OR2T11: variants seen among roughly 807,000 people sequenced by gnomAD.
The protein encoded by OR2T11 is olfactory receptor 2T11.
In OR2T11, 14 loss-of-function variants were observed where a neutral mutation model predicts 13.5. The observed-to-expected ratio is 1.04, with a 90% CI of 0.69 to 1.62. The LOEUF is 1.62. OR2T11 is among the 40% of genes most tolerant of loss of function. The pLI is 0.00. For synonymous variants in OR2T11, 163 were observed against 154.6 expected (o/e 1.05, Z -0.40); for missense variants, 410 against 389.7 (o/e 1.05, Z -0.44).
chr1:248,633,313 T>C (rs1243094327), intron 1 of OR2T11, among the ~76,000 whole-genome samples: 3 of 142,336 alleles, frequency 2.1e-5, no homozygotes, highest in Admixed American at 6.8e-5. Flanking sequence ...CATTGTATTC[T>C]TAAGTGAAAA....
Position 248,627,041 on chromosome 1 carries a change from C to A in OR2T11, c.88G>T (p.Ala30Ser). 6.4e-7 allele frequency: 1 copy of A among 1,570,342 alleles called. No individual in the cohort carries two copies. ...GCAGTCACGGCCCCCAAGAAAACAGCAAGGATCACTGTAAATACAATCCCG... is the reference window on the plus strand; with the variant it reads ...GCAGTCACGGCCCCCAAGAAAACAGAAAGGATCACTGTAAATACAATCCCG... ...AAGIVFTVIL[A>S]VFLGAVTANL... The change falls in exon 2 of 2, where the codon GCT becomes TCT. Residue 30 changes from alanine to serine, a missense_variant. Physicochemically the swap from Ala to Ser is moderately conservative, Grantham distance 99 (BLOSUM62 1). Coordinates refer to ENST00000641193, the MANE Select transcript of OR2T11 (RefSeq NM_001001964.2).
intron 1 of OR2T11, 79 bp from the exon 2 acceptor site, chr1:248,627,351 C>T: frequency 3.8e-6 from 2 of 522,242 alleles, no homozygotes; most frequent in Non-Finnish European, 6.7e-6. Flanking sequence ...AGAACAGCTC[C>T]TTCTATATTG....
At position 248,624,913 on chromosome 1, in the gene OR2T11, G is replaced by A. The variant is rs185008869; in HGVS notation, c.*1265C>T. 1.6e-4 allele frequency: 23 copies of A among 143,544 alleles called. 2 individuals carry two copies. The highest frequency in any genetic ancestry group is 8.8e-4 in the South Asian group (4 of 4,556). 8.9% of individuals were successfully genotyped at this position (143,544 alleles called of 1,614,324 possible). The stretch of plus-strand genomic sequence containing the variant: ...CCAACTGATATTTGTGTTTTTGGTA[G>A]ATGGGGTTTTGCTATGTTGGCAGGC... On this transcript the variant is annotated 3_prime_UTR_variant, in exon 2 of 2. Transcript: ENST00000641193.
chr1:248,627,840 C>T (rs1236898936), intron 1 of OR2T11, among the ~76,000 whole-genome samples: 1 of 143,098 alleles, frequency 7.0e-6, no homozygotes, highest in Non-Finnish European at 1.5e-5. Context: ...GCCTATTATT[C>T]CACTGTTTAT....
intron 1 of OR2T11, among the ~76,000 whole-genome samples, chr1:248,628,920 C>T (rs1660564728): frequency 1.4e-5 from 2 of 142,758 alleles, no homozygotes; most frequent in Non-Finnish European, 3.0e-5. Context: ...AATTCTATTC[C>T]ATTTCCCAAG....
In OR2T11 at chr1:248,623,650, CAT is replaced by C. The variant is rs1461415875; in HGVS notation, c.*2526_*2527del. ...CTGCAAATTATATGCCTTGGAAAAG[CAT>C]AAATATGACACACTTTATTCACAAA... On this transcript the variant is annotated 3_prime_UTR_variant, in exon 2 of 2. Coordinates refer to ENST00000641193, the MANE Select transcript of OR2T11 (RefSeq NM_001001964.2). The C allele has an allele frequency of 7.0e-6, 1 of 142,226 alleles. No individual in the cohort carries two copies. Among genetic ancestry groups the C allele is most frequent in the Non-Finnish European group, 1.5e-5 (1 of 66,206 alleles). The allele number at this position is 142,226 out of a possible 1,614,324, so 8.8% of individuals were successfully genotyped here.
At position 248,626,696 on chromosome 1, in the gene OR2T11, C is replaced by T; in HGVS notation, c.433G>A (p.Ala145Thr). 1 of 1,573,350 alleles carries T rather than the reference C, an allele frequency of 6.4e-7. No homozygotes were observed. The highest frequency in any genetic ancestry group is 8.6e-7 in the Non-Finnish European group (1 of 1,156,998). ...RKKCLLLAAG[A>T]WFGGSLDGFL... ...CCATCGAGGGAGCCCCCAAACCAGG[C>T]ACCAGCAGCCAGCAAAAGACACTTC... The change falls in exon 2 of 2, where the codon GCC (alanine) becomes ACC (threonine). Residue 145 changes from alanine to threonine, a missense_variant. By Grantham distance (58) the Ala-to-Thr change is moderately conservative. Coordinates refer to ENST00000641193, the MANE Select transcript of OR2T11 (RefSeq NM_001001964.2).
rs1331971723 is a variant in OR2T11 at position 248,627,094 on chromosome 1, A to G, written c.35T>C (p.Leu12Pro). ...TNTSSSDFTL[L>P]GLLVNSEAAG... ...AGCCTCACTGTTCACCAGAAGCCCC[A>G]GGAGGGTGAAGTCAGAGGATGATGT... The change falls in exon 2 of 2, where the codon CTG becomes CCG. Residue 12 changes from leucine (L) to proline (P), a missense_variant. Physicochemically the swap from Leu to Pro is moderately conservative, Grantham distance 98 (BLOSUM62 -3). Transcript: ENST00000641193. 6 of 1,563,586 alleles carry G rather than the reference A, an allele frequency of 3.8e-6. No individual in the cohort carries two copies. Among genetic ancestry groups the G allele is most frequent in the Non-Finnish European group, 5.2e-6 (6 of 1,149,248 alleles).
chr1:248,632,111 A>G (rs1558173942), intron 1 of OR2T11, among the ~76,000 whole-genome samples: 1 of 141,434 alleles, frequency 7.1e-6, no homozygotes, highest in Non-Finnish European at 1.5e-5. Flanking sequence ...ACCCTAAGAA[A>G]AAGAAAAACA....
At position 248,626,747 on chromosome 1, in the gene OR2T11, T is replaced by C. The variant is rs1660527763; in HGVS notation, c.382A>G (p.Arg128Gly). ...TTGCGGTTCATCAGGACTGGGTATC[T>C]CAGAGGGTTACAGACAGCCACGTAG... ...DCYVAVCNPL[R>G]YPVLMNRKKC... Residue 128 changes from arginine to glycine, a missense_variant, in exon 2 of 2, where the codon AGA becomes GGA. Coordinates refer to ENST00000641193, the MANE Select transcript of OR2T11 (RefSeq NM_001001964.2). The C allele has an allele frequency of 6.4e-7, 1 of 1,572,756 alleles. No individual in the cohort carries two copies. Among genetic ancestry groups the C allele is most frequent in the South Asian group, 1.1e-5 (1 of 88,894 alleles).
At chr1:248,631,853 C>T (rs1461043636) in intron 1 of OR2T11, among the ~76,000 whole-genome samples, 1 of 143,410 alleles carries the variant, frequency 7.0e-6, no homozygotes, top group Non-Finnish European at 1.5e-5. Context: ...CATCTCCCAG[C>T]AGACATCATA....
intron 1 of OR2T11, 98 bp from the exon 2 acceptor site, chr1:248,627,370 G>A (rs1449773851): frequency 2.0e-6 from 1 of 493,132 alleles, no homozygotes; most frequent in East Asian, 3.5e-5. Context: ...TGCGTCTATG[G>A]TTCATCATGC....
Position 248,626,460 on chromosome 1 carries a change from G to T in OR2T11, c.669C>A (p.His223Gln), listed in dbSNP as rs1312557653. 2 of 1,572,938 alleles carry T rather than the reference G, an allele frequency of 1.3e-6. 1 individual carries two copies. The highest frequency in any genetic ancestry group is 3.4e-5 in the Admixed American group (2 of 58,400). ...TSYSLILLTI[H>Q]RMPSAEGRKK... ...TGCGACCTTCAGCAGAGGGCATGCG[G>T]TGGATGGTTAACAAGATGAGGGAGT... is the stretch of plus-strand genomic sequence containing the variant. The change falls in exon 2 of 2, where the codon CAC becomes CAA. Residue 223 changes from histidine (H) to glutamine (Q), a missense_variant. His to Gln is a conservative substitution (Grantham distance 24). Transcript: ENST00000641193.
chr1:248,628,889 T>TG lies in OR2T11; in HGVS notation c.-144-1618dup, dbSNP rs904455480. ...TCTACTTCAGTGAGTCTTAGCCTCC[T>TG]GATCCACTCCTGATCGTTTCAATTC... On this transcript the variant is annotated intron_variant, in intron 1 of 1. Coordinates refer to ENST00000641193, the MANE Select transcript of OR2T11 (RefSeq NM_001001964.2). 1.0e-4 allele frequency among the ~76,000 whole-genome samples: 15 copies of TG among 143,374 alleles called. 2 individuals are homozygous for TG. Among genetic ancestry groups the TG allele is most frequent in the African/African-American group, 3.9e-4 (14 of 36,328 alleles). 94.1% of individuals were successfully genotyped at this position (143,374 alleles called of 152,430 possible).
Position 248,634,823 on chromosome 1 carries a change from T to A in OR2T11, c.-145+215A>T, listed in dbSNP as rs1190671472. Among the ~76,000 whole-genome samples the A allele has an allele frequency of 2.8e-5, 4 of 143,792 alleles. 1 individual carries two copies. The highest frequency in any genetic ancestry group is 1.1e-4 in the African/African-American group (4 of 36,600). 94.3% of individuals were successfully genotyped at this position (143,792 alleles called of 152,430 possible). ...TTTTGTGGATACAGAGGTCTGCGTT[T>A]TTCCTTTATGCTAAATAATTATCTA... is the stretch of plus-strand genomic sequence containing the variant. On this transcript the variant is annotated intron_variant, in intron 1 of 1. Coordinates refer to ENST00000641193, the MANE Select transcript of OR2T11 (RefSeq NM_001001964.2).
chr1:248,631,255 T>C (rs1279483977), intron 1 of OR2T11, among the ~76,000 whole-genome samples: 2 of 143,886 alleles, frequency 1.4e-5, no homozygotes, highest in South Asian at 2.2e-4. Context: ...TAAACAAAAC[T>C]GAGACATGTT....
chr1:248,626,715 A>C lies in OR2T11; in HGVS notation c.414T>G (p.Cys138Trp). The change falls in exon 2 of 2, where the codon TGT becomes TGG. Residue 138 changes from cysteine (C) to tryptophan (W), a missense_variant. Physicochemically the swap from Cys to Trp is radical, Grantham distance 215. Coordinates refer to ENST00000641193, the MANE Select transcript of OR2T11 (RefSeq NM_001001964.2). ...ACCAGGCACCAGCAGCCAGCAAAAG[A>C]CACTTCTTGCGGTTCATCAGGACTG... Reference protein sequence around the residue: ...RYPVLMNRKKCLLLAAGAWFG... With the variant: ...RYPVLMNRKKWLLLAAGAWFG... 1 of 1,573,318 alleles carries C rather than the reference A, an allele frequency of 6.4e-7. No individual in the cohort carries two copies. The highest frequency in any genetic ancestry group is 8.6e-7 in the Non-Finnish European group (1 of 1,157,046).
rs537068181 is a variant in OR2T11 at position 248,626,613 on chromosome 1, G to C, written c.516C>G (p.Asn172Lys). ...NVPYCGSRSINHFFCEIPAVL... is the reference protein window; with the variant it reads ...NVPYCGSRSIKHFFCEIPAVL... ...CTGCTGGGATCTCACAGAAAAAATG[G>C]TTGATACTTCGGGAGCCACAGTAAG... The change falls in exon 2 of 2, where the codon AAC becomes AAG. Residue 172 changes from asparagine (N) to lysine (K), a missense_variant. Physicochemically the swap from Asn to Lys is moderately conservative, Grantham distance 94. Transcript: ENST00000641193. 1 of 1,573,358 alleles carries C rather than the reference G, an allele frequency of 6.4e-7. No individual in the cohort carries two copies. The highest frequency in any genetic ancestry group is 1.5e-5 in the African/African-American group (1 of 67,112).
Position 248,627,137 on chromosome 1 carries a change from C to T in OR2T11, c.-9G>A, listed in dbSNP as rs1222150360. 7.6e-6 allele frequency: 11 copies of T among 1,450,620 alleles called. 1 individual carries two copies. The highest frequency in any genetic ancestry group is 7.0e-5 in the Admixed American group (4 of 57,338). 89.9% of individuals were successfully genotyped at this position (1,450,620 alleles called of 1,614,324 possible). A position where few individuals can be genotyped will look rare whatever the true frequency, so the allele number is the denominator to read the frequency against. ...GATGATGTGTTCGTCATTGATATGG[C>T]CCACGAGCGTCCCAGGGCAACGGGA... On this transcript the variant is annotated 5_prime_UTR_variant, in exon 2 of 2. Coordinates refer to ENST00000641193, the MANE Select transcript of OR2T11 (RefSeq NM_001001964.2).
Sources: allele counts gnomAD v4.1 joint callset (sites outside exome capture counted in the v4.1 genomes callset), GRCh38; gene constraint gnomAD v4.1.1; transcripts MANE v1.5; gene names NCBI Gene and HGNC (gene_info 2026-07-23, HGNC 2026-07-21).